Variants in CNBD1 observed in about 807,000 individuals in gnomAD.
CNBD1 encodes cyclic nucleotide binding domain containing 1, also known as cyclic nucleotide-binding domain-containing protein 1.
CNBD1 carries 71 observed loss-of-function variants against 54.4 expected under a neutral mutation model. That is an observed-to-expected ratio of 1.30 (90% CI 1.08 to 1.59). The LOEUF (loss-of-function observed/expected upper bound fraction) is 1.59, where lower values mean the gene tolerates loss of function less well. Among genes scored for constraint, CNBD1 ranks in the 40% most tolerant of loss-of-function variants. The pLI is 0.00. For synonymous variants in CNBD1, 182 were observed against 170.7 expected, an observed-to-expected ratio of 1.07 and a Z score of -0.51; for missense variants, 659 against 518.0, an observed-to-expected ratio of 1.27 and a Z score of -2.64.
At chr8:87,317,085 A>G (rs1163202968) in intron 8 of CNBD1, among the ~76,000 whole-genome samples, 1 of 151,682 alleles carries the variant, frequency 6.6e-6, no homozygotes, top group Non-Finnish European at 1.5e-5. Flanking sequence ...GTTATAAGAA[A>G]TTTTTTTGTG....
chr8:87,291,973 AC>A (rs1282173316), intron 8 of CNBD1, among the ~76,000 whole-genome samples: 1 of 152,144 alleles, frequency 6.6e-6, no homozygotes, highest in Non-Finnish European at 1.5e-5. Context: ...GTCAGTGTTT[AC>A]CCTTAGACCA....
intron 3 of CNBD1, among the ~76,000 whole-genome samples, chr8:86,923,403 G>T (rs1809307785): frequency 6.6e-6 from 1 of 152,204 alleles, no homozygotes; most frequent in Non-Finnish European, 1.5e-5. Context: ...GTTGTAGGGA[G>T]AGTAGCCTTT....
Position 87,027,270 on chromosome 8 carries a change from T to C in CNBD1, c.431+87516T>C, listed in dbSNP as rs953248683. Among the ~76,000 whole-genome samples, 10 of 152,102 alleles carry C rather than the reference T, an allele frequency of 6.6e-5. 1 individual carries two copies. Among genetic ancestry groups the C allele is most frequent in the Admixed American group, 5.9e-4 (9 of 15,264 alleles). ...GCTCCCATGGCAGTTTTATTTTTATTTTTATTTATTTATTTATTTTGAGAT... is the reference window on the plus strand; with the variant it reads ...GCTCCCATGGCAGTTTTATTTTTATCTTTATTTATTTATTTATTTTGAGAT... On this transcript the variant is annotated intron_variant, in intron 4 of 10. Transcript: ENST00000518476.
At chr8:87,391,385 A>T (rs1811306564) in intron 2 of CNBD1, among the ~76,000 whole-genome samples, 2 of 152,142 alleles carry the variant, frequency 1.3e-5, no homozygotes, top group Admixed American at 6.6e-5. Flanking sequence ...GTATGGAAAC[A>T]CAAGAGTTTC....
At chr8:87,047,756 G>C (rs1810225930) in intron 4 of CNBD1, among the ~76,000 whole-genome samples, 1 of 152,018 alleles carries the variant, frequency 6.6e-6, no homozygotes, top group Non-Finnish European at 1.5e-5. Context: ...ATTTTCCTCT[G>C]GGGGGGTCTA....
At chr8:87,145,402 CAT>C (rs1470130199) in intron 4 of CNBD1, among the ~76,000 whole-genome samples, 3 of 152,200 alleles carry the variant, frequency 2.0e-5, no homozygotes, top group East Asian at 1.9e-4. Context: ...ACATTTAACA[CAT>C]GTTAACCAAA....
At chr8:86,866,676 G>T in intron 1 of CNBD1, 93 bp downstream of exon 1, 1 of 872,442 alleles carries the variant, frequency 1.1e-6, no homozygotes. Flanking sequence ...TTTCAGGGTT[G>T]ATAGGGACAT....
intron 10 of CNBD1, among the ~76,000 whole-genome samples, chr8:87,377,991 G>C (rs1485261386): frequency 2.2e-5 from 3 of 136,718 alleles, no homozygotes; most frequent in Non-Finnish European, 4.7e-5. Context: ...CCCACTTTTT[G>C]ATGGGGTTGT....
chr8:86,873,029 G>A (rs1808462710), intron 1 of CNBD1, among the ~76,000 whole-genome samples: 1 of 151,926 alleles, frequency 6.6e-6, no homozygotes, highest in Non-Finnish European at 1.5e-5. Flanking sequence ...AGTAAGCTAC[G>A]ATCATGCTAC....
At chr8:87,070,521 A>C (rs1810739472) in intron 4 of CNBD1, among the ~76,000 whole-genome samples, 1 of 152,150 alleles carries the variant, frequency 6.6e-6, no homozygotes, top group South Asian at 2.1e-4. Flanking sequence ...AAAAAAGACA[A>C]GTTCTCTGCT....
chr8:87,391,816 A>C (rs1163751111), intron 2 of CNBD1, among the ~76,000 whole-genome samples: 1 of 152,104 alleles, frequency 6.6e-6, no homozygotes, highest in East Asian at 1.9e-4. Context: ...CCCAACCAAA[A>C]AATGAAACAA....
intron 2 of CNBD1, among the ~76,000 whole-genome samples, chr8:86,900,409 G>A (rs866100532): frequency 2.0e-5 from 3 of 152,072 alleles, no homozygotes; most frequent in Non-Finnish European, 4.4e-5. Context: ...GACAGGCATT[G>A]CATTTGTATG....
At chr8:86,911,255 T>C (rs1438423753) in intron 3 of CNBD1, among the ~76,000 whole-genome samples, 3 of 152,210 alleles carry the variant, frequency 2.0e-5, no homozygotes, top group African/African-American at 4.8e-5. Context: ...GGCTGCTCTT[T>C]GTTAGAAAAG....
At chr8:87,161,540 A>G (rs895368113) in intron 4 of CNBD1, among the ~76,000 whole-genome samples, 5 of 152,166 alleles carry the variant, frequency 3.3e-5, no homozygotes, top group African/African-American at 1.2e-4. Context: ...GAGAAGGTGG[A>G]CAGCAAAATT....
intron 4 of CNBD1, among the ~76,000 whole-genome samples, chr8:87,201,541 A>C (rs535404143): frequency 6.6e-6 from 1 of 152,278 alleles, no homozygotes; most frequent in Non-Finnish European, 1.5e-5. Context: ...TCAGGATACA[A>C]GATCAATATA....
At chr8:86,931,723 A>G (rs963320722) in intron 3 of CNBD1, among the ~76,000 whole-genome samples, 4 of 152,278 alleles carry the variant, frequency 2.6e-5, no homozygotes, top group African/African-American at 9.6e-5. Context: ...GCCCAGGACT[A>G]GCTTTCGGAG....
At chr8:87,273,545 C>T (rs1443893691) in intron 6 of CNBD1, among the ~76,000 whole-genome samples, 1 of 151,940 alleles carries the variant, frequency 6.6e-6, no homozygotes, top group Non-Finnish European at 1.5e-5. Flanking sequence ...CCAAACTGTG[C>T]TCTTGGACTA....
In CNBD1 at chr8:87,411,336, A is replaced by C. The variant is rs144632917; in HGVS notation, c.214-17210A>C. Among the ~76,000 whole-genome samples the C allele has an allele frequency of 3.1e-3, 446 of 143,896 alleles. 2 individuals carry two copies. The highest frequency in any genetic ancestry group is 0.011 in the African/African-American group (427 of 38,906). The allele number at this position is 143,896 out of a possible 152,430, so 94.4% of individuals were successfully genotyped here. A position where few individuals can be genotyped will look rare whatever the true frequency, so the allele number is the denominator to read the frequency against. ...AACTTGTGATTCACCACAAAAGTCC[A>C]CTTTTTTGCTTTCTATAGCTTTGCC... On this transcript the variant is annotated intron_variant, in intron 2 of 7. Transcript: ENST00000521593.
intron 2 of CNBD1, among the ~76,000 whole-genome samples, chr8:87,395,924 C>T (rs926041142): frequency 6.6e-6 from 1 of 151,880 alleles, no homozygotes; most frequent in African/African-American, 2.4e-5. Flanking sequence ...AGTACCTCTC[C>T]TTACTGCCGC....
Sources: allele counts gnomAD v4.1 joint callset (sites outside exome capture counted in the v4.1 genomes callset), GRCh38; gene constraint gnomAD v4.1.1; transcripts MANE v1.5; gene names NCBI Gene and HGNC (gene_info 2026-07-23, HGNC 2026-07-21).